PITPNM2: variants seen among roughly 807,000 people sequenced by gnomAD.
PITPNM2 encodes the protein phosphatidylinositol transfer protein membrane associated 2, also known as membrane-associated phosphatidylinositol transfer protein 2.
PITPNM2 carries 35 observed loss-of-function variants against 132.2 expected under a neutral mutation model. The observed-to-expected ratio is 0.26, with a 90% CI of 0.20 to 0.35. The LOEUF is 0.35. Among genes scored for constraint, PITPNM2 ranks in the 10% least tolerant of loss-of-function variants. The probability of loss-of-function intolerance (pLI) is 1.00; values close to 1 mark genes in which losing one functional copy is unlikely to be tolerated. For synonymous variants in PITPNM2, 738 were observed against 799.2 expected (o/e 0.92, Z 1.29); for missense variants, 1,332 against 1,912.0 (o/e 0.70, Z 5.66).
chr12:122,997,270 TAGG>T, intron 11 of PITPNM2, 52 bp downstream of exon 11: 1 of 1,598,292 alleles, frequency 6.3e-7, no homozygotes, highest in Non-Finnish European at 8.5e-7. Context: ...GGCCCAGGGG[TAGG>T]AGGAGGACAG....
At position 123,077,931 on chromosome 12, in the gene PITPNM2, G is replaced by A. The variant is rs552620543; in HGVS notation, c.-96+32454C>T. ...GGTCCGCTGAGCTCCCCATGCTGCC[G>A]GCCTCAGGGGGCCGCCCCCAGCACG... On this transcript the variant is annotated intron_variant, in intron 2 of 25. Coordinates refer to ENST00000320201, the MANE Select transcript of PITPNM2 (RefSeq NM_020845.3). The surrounding 1 kb of genome is among the most constrained non-coding windows in gnomAD (Gnocchi z 4.8). Among the ~76,000 whole-genome samples the A allele has an allele frequency of 5.3e-5, 8 of 152,284 alleles. No individual in the cohort carries two copies. The highest frequency in any genetic ancestry group is 2.6e-4 in the Admixed American group (4 of 15,294).
rs528687256 is a variant in PITPNM2, at chr12:123,005,148, A to G, written c.952+92T>C. On this transcript the variant is annotated intron_variant, in intron 7 of 25. Coordinates refer to ENST00000320201, the MANE Select transcript of PITPNM2 (RefSeq NM_020845.3). The surrounding 1 kb of genome is among the most constrained non-coding windows in gnomAD (Gnocchi z 6.2). ...TGGTGCCTCAATGTCCATGGGAAAG[A>G]ACTCTGAGGAGGTGCAGTGATCCAG... is the stretch of plus-strand genomic sequence containing the variant. 164 of 1,430,004 alleles carry G rather than the reference A, an allele frequency of 1.1e-4. No homozygotes were observed. In the African/African-American group the frequency reaches 2.0e-3, roughly 18 times the overall value. The allele number at this position is 1,430,004 out of a possible 1,614,324, so 88.6% of individuals were successfully genotyped here.
At chr12:123,093,569 C>G (rs2042327738) in intron 2 of PITPNM2, among the ~76,000 whole-genome samples, 1 of 152,170 alleles carries the variant, frequency 6.6e-6, no homozygotes, top group Non-Finnish European at 1.5e-5. Flanking sequence ...GCTCCTGAGC[C>G]CCTTCCTCCT....
Position 123,082,529 on chromosome 12 carries a change from C to T in PITPNM2, c.-96+27856G>A, listed in dbSNP as rs2137023720. On this transcript the variant is annotated intron_variant, in intron 2 of 25. Coordinates refer to ENST00000320201, the MANE Select transcript of PITPNM2 (RefSeq NM_020845.3). The surrounding 1 kb of genome is among the most constrained non-coding windows in gnomAD (Gnocchi z 5.4). Reference sequence around the variant, plus strand: ...TTTCAGCTCACTGCAACCTCTGCCTCCCGGTTCAAGCGATTCTCATGCCTC... The same window carrying T: ...TTTCAGCTCACTGCAACCTCTGCCTTCCGGTTCAAGCGATTCTCATGCCTC... Among the ~76,000 whole-genome samples the T allele has an allele frequency of 6.6e-6, 1 of 152,294 alleles. No individual in the cohort carries two copies. The highest frequency in any genetic ancestry group is 2.4e-5 in the African/African-American group (1 of 41,532).
At chr12:123,048,224 T>C (rs1224721025) in intron 2 of PITPNM2, among the ~76,000 whole-genome samples, 2 of 152,028 alleles carry the variant, frequency 1.3e-5, no homozygotes, top group African/African-American at 4.8e-5. Context: ...TTCTGACACA[T>C]GCTACAACAT....
In PITPNM2 at chr12:122,989,782, G is replaced by C. The variant is rs372282591; in HGVS notation, c.2731+5C>G. ...CCAGTGAGGGGAAAGTGTGTGGGGT[G>C]GTACCTTCTCCAATGTCCAGCTCAG... On this transcript the variant is annotated splice_donor_5th_base_variant and intron_variant, in intron 18 of 25. Coordinates refer to ENST00000320201, the MANE Select transcript of PITPNM2 (RefSeq NM_020845.3). 7.8e-6 allele frequency: 11 copies of C among 1,401,836 alleles called. No individual in the cohort carries two copies. Among genetic ancestry groups the C allele is most frequent in the Non-Finnish European group, 1.0e-5 (11 of 1,074,146 alleles). The allele number at this position is 1,401,836 out of a possible 1,614,324, so 86.8% of individuals were successfully genotyped here. A position where few individuals can be genotyped will look rare whatever the true frequency, so the allele number is the denominator to read the frequency against.
chr12:123,052,488 C>T (rs576214512), intron 2 of PITPNM2, among the ~76,000 whole-genome samples: 3 of 152,056 alleles, frequency 2.0e-5, no homozygotes, highest in Non-Finnish European at 4.4e-5. Context: ...GGCATGGTGG[C>T]GCAAGCCTGT....
rs1398455901 is a variant in PITPNM2, at chr12:123,077,291, C to A, written c.-96+33094G>T. Among the ~76,000 whole-genome samples the A allele has an allele frequency of 6.6e-6, 1 of 152,062 alleles. No individual in the cohort carries two copies. Among genetic ancestry groups the A allele is most frequent in the African/African-American group, 2.4e-5 (1 of 41,400 alleles). Reference sequence around the variant, plus strand: ...GGGATATCGGGGTGGGGAGGGACACCCCTTGTTATCAGGGGTGGAGAGGGA... The same window carrying A: ...GGGATATCGGGGTGGGGAGGGACACACCTTGTTATCAGGGGTGGAGAGGGA... On this transcript the variant is annotated intron_variant, in intron 2 of 25. Transcript: ENST00000320201. The surrounding 1 kb of genome is among the most constrained non-coding windows in gnomAD (Gnocchi z 4.8).
chr12:122,986,224 C>T lies in PITPNM2; in HGVS notation c.3853G>A (p.Asp1285Asn), dbSNP rs758566561. ...KGSFGLPGQG[D>N]FLRSRNHLLR... is the part of the protein sequence containing the mutation. Reference sequence around the variant, plus strand: ...AGGTGGTTCCGGGAGCGCAGAAAGTCGCCCTGGCCGGGCAGGCCGAAGCTG... The same window carrying T: ...AGGTGGTTCCGGGAGCGCAGAAAGTTGCCCTGGCCGGGCAGGCCGAAGCTG... The change falls in exon 26 of 26, where the codon GAC (aspartate) becomes AAC (asparagine). Residue 1285 changes from aspartate to asparagine, a missense_variant. By Grantham distance (23) the Asp-to-Asn change is conservative. This residue lies in a region of PITPNM2 where 163 missense variants were observed against 177.2 expected (regional missense o/e 0.92). Transcript: ENST00000320201. 1.4e-5 allele frequency: 22 copies of T among 1,567,640 alleles called. No homozygotes were observed. Among genetic ancestry groups the T allele is most frequent in the East Asian group, 4.6e-5 (2 of 43,134 alleles).
At chr12:123,042,694 A>G (rs1398412161) in intron 2 of PITPNM2, among the ~76,000 whole-genome samples, 2 of 152,150 alleles carry the variant, frequency 1.3e-5, no homozygotes, top group African/African-American at 4.8e-5. Flanking sequence ...TCTTGCTCTA[A>G]GAGAGCTTCC....
intron 1 of PITPNM2, among the ~76,000 whole-genome samples, chr12:123,125,141 G>A (rs574598640): frequency 6.6e-6 from 1 of 151,876 alleles, no homozygotes; most frequent in Non-Finnish European, 1.5e-5. Context: ...TATTTTTTTT[G>A]TAGAGATGAG....
rs545345095 is a variant in PITPNM2, at chr12:123,131,637, G to T, written c.-200+19116C>A. Among the ~76,000 whole-genome samples, 9 of 152,284 alleles carry T rather than the reference G, an allele frequency of 5.9e-5. No individual in the cohort carries two copies. In the East Asian group the frequency reaches 1.7e-3, roughly 29 times the overall value. The stretch of plus-strand genomic sequence containing the variant: ...TCTGGTTCCATCTGGAATCCCTCCA[G>T]GACATCACCCTTACTCTTGCCCCAG... On this transcript the variant is annotated intron_variant, in intron 1 of 25. Transcript: ENST00000320201.
At chr12:123,143,433 A>T (rs534239034) in intron 1 of PITPNM2, among the ~76,000 whole-genome samples, 1 of 152,346 alleles carries the variant, frequency 6.6e-6, no homozygotes, top group African/African-American at 2.4e-5. Context: ...AAGGGGAAAT[A>T]AACAGCTCTG....
At chr12:123,061,509 C>A (rs1397991808) in intron 2 of PITPNM2, among the ~76,000 whole-genome samples, 1 of 152,260 alleles carries the variant, frequency 6.6e-6, no homozygotes, top group Non-Finnish European at 1.5e-5. Flanking sequence ...TCTCACTGCA[C>A]TATGGCACGT....
intron 13 of PITPNM2, among the ~76,000 whole-genome samples, 188 bp downstream of exon 13, chr12:122,996,270 A>G (rs1352142081): frequency 2.0e-5 from 3 of 152,170 alleles, no homozygotes; most frequent in Non-Finnish European, 4.4e-5. Context: ...AGGGGCTTGG[A>G]AAATGTTTGT....
At position 122,984,149 on chromosome 12, in the gene PITPNM2, G is replaced by A. The variant is rs1315966784; in HGVS notation, c.*1878C>T. ...GCGGCTGGGCAGGCAGGCGGGGAGT[G>A]AGGAGCCGTGGGGGAGCTGCCCCCC... is the stretch of plus-strand genomic sequence containing the variant. On this transcript the variant is annotated 3_prime_UTR_variant, in exon 26 of 26. Transcript: ENST00000320201. 1 of 153,080 alleles carries A rather than the reference G, an allele frequency of 6.5e-6. No individual in the cohort carries two copies. The highest frequency in any genetic ancestry group is 2.4e-5 in the African/African-American group (1 of 41,470). The allele number at this position is 153,080 out of a possible 1,614,324, so 9.5% of individuals were successfully genotyped here.
intron 16 of PITPNM2, chr12:122,991,658 CTG>C (rs2038190505): frequency 3.3e-6 from 4 of 1,220,200 alleles, no homozygotes; most frequent in Middle Eastern, 3.1e-4. Flanking sequence ...GTCCCACGAA[CTG>C]TGAGTGGCCA....
Position 123,097,933 on chromosome 12 carries a change from G to A in PITPNM2, c.-96+12452C>T, listed in dbSNP as rs2042454025. On this transcript the variant is annotated intron_variant, in intron 2 of 25. Coordinates refer to ENST00000320201, the MANE Select transcript of PITPNM2 (RefSeq NM_020845.3). The surrounding 1 kb of genome is among the most constrained non-coding windows in gnomAD (Gnocchi z 4.7). ...CTTTCTCTGCTGGCCTTGGCCCTCT[G>A]TAGTGATGCAGGGGACATGTCGAAA... is the stretch of plus-strand genomic sequence containing the variant. Among the ~76,000 whole-genome samples, 1 of 152,242 alleles carries A rather than the reference G, an allele frequency of 6.6e-6. No homozygotes were observed. Among genetic ancestry groups the A allele is most frequent in the African/African-American group, 2.4e-5 (1 of 41,456 alleles).
intron 5 of PITPNM2, among the ~76,000 whole-genome samples, chr12:123,011,723 C>T (rs1444511905): frequency 6.6e-6 from 1 of 152,118 alleles, no homozygotes; most frequent in Non-Finnish European, 1.5e-5. Context: ...TGGAGGGATG[C>T]TTCTACAAGT....
Sources: gnomAD v4.1 joint callset for allele counts (sites outside exome capture counted in the v4.1 genomes callset) on GRCh38, gnomAD v4.1.1 for gene constraint, gnomAD v4.1.1 regional missense constraint, Gnocchi (gnomAD v3.1) non-coding constraint, MANE v1.5 for transcripts, NCBI Gene and HGNC (gene_info 2026-07-23, HGNC 2026-07-21) for gene names.